Variants in IQGAP1 observed in about 807,000 individuals in gnomAD.
The protein encoded by IQGAP1 is IQ motif containing GTPase activating protein 1, also known as ras GTPase-activating-like protein IQGAP1.
A neutral mutation model predicts 215.6 loss-of-function variants in IQGAP1; 66 were observed. The ratio of observed to expected loss-of-function variants is 0.31; its 90% confidence interval spans 0.25 to 0.38. The LOEUF (loss-of-function observed/expected upper bound fraction) is 0.38, where lower values mean the gene tolerates loss of function less well. IQGAP1 is among the 10% of genes least tolerant of loss of function. IQGAP1 has a pLI of 1.00. For synonymous variants in IQGAP1, 772 were observed against 728.7 expected (o/e 1.06, Z -0.96); for missense variants, 1,712 against 1,997.1 (o/e 0.86, Z 2.72).
intron 2 of IQGAP1, among the ~76,000 whole-genome samples, chr15:90,400,411 T>A (rs1013204185): frequency 3.3e-5 from 5 of 152,226 alleles, no homozygotes; most frequent in Admixed American, 3.3e-4. Flanking sequence ...CTTTTCCGTC[T>A]CCATTCTTGT....
chr15:90,397,100 G>C (rs1307722658), intron 2 of IQGAP1, among the ~76,000 whole-genome samples: 1 of 152,040 alleles, frequency 6.6e-6, no homozygotes, highest in East Asian at 1.9e-4. Flanking sequence ...TGATCCACCC[G>C]CCTCGGCCCC....
chr15:90,438,444 G>A (rs1374401907), intron 5 of IQGAP1, among the ~76,000 whole-genome samples: 1 of 152,076 alleles, frequency 6.6e-6, no homozygotes, highest in Admixed American at 6.5e-5. Flanking sequence ...CTTTCATGAA[G>A]CTTAGAGTCT....
At chr15:90,483,688 C>T (rs558326302) in intron 29 of IQGAP1, 95 bp downstream of exon 29, 16 of 846,836 alleles carry the variant, frequency 1.9e-5, no homozygotes, top group African/African-American at 6.7e-5. Context: ...TCACTTTCCC[C>T]GGACTGCCAT....
intron 2 of IQGAP1, among the ~76,000 whole-genome samples, chr15:90,397,520 T>TC (rs1323316262): frequency 1.4e-5 from 2 of 147,184 alleles, no homozygotes; most frequent in African/African-American, 5.1e-5. Flanking sequence ...CTTTTTTTTT[T>TC]TTTTTTTTTT....
chr15:90,476,309 T>G (rs1037884259), intron 23 of IQGAP1, among the ~76,000 whole-genome samples: 18 of 152,312 alleles, frequency 1.2e-4, no homozygotes, highest in African/African-American at 4.1e-4. Context: ...TCCCCTAGTA[T>G]TTGACATTTA....
At position 90,487,051 on chromosome 15, in the gene IQGAP1, T is replaced by A; in HGVS notation, c.4122T>A (p.Asp1374Glu). Reference protein sequence around the residue: ...TLTNKFDVPGDENAEMDARTI... With the variant: ...TLTNKFDVPGEENAEMDARTI... ...CCAACAAGTTCGACGTGCCTGGAGA[T>A]GAGAATGCAGAAATGGATGCTCGAA... The change falls in exon 32 of 38, where the codon GAT becomes GAA. Residue 1374 changes from aspartate (D) to glutamate (E), a missense_variant. Transcript: ENST00000268182. 6.2e-7 allele frequency: 1 copy of A among 1,614,058 alleles called. No individual in the cohort carries two copies. The highest frequency in any genetic ancestry group is 8.5e-7 in the Non-Finnish European group (1 of 1,179,992).
chr15:90,483,106 T>C, intron 28 of IQGAP1: 1 of 403,386 alleles, frequency 2.5e-6, no homozygotes, highest in Admixed American at 4.1e-5. Context: ...CTGAATCTGC[T>C]CTTTCATTAA....
chr15:90,406,462 C>G (rs1461281670), intron 2 of IQGAP1, among the ~76,000 whole-genome samples: 3 of 152,182 alleles, frequency 2.0e-5, no homozygotes, highest in African/African-American at 7.2e-5. Flanking sequence ...CGTGCCCGGC[C>G]GGGGTTTGTT....
chr15:90,388,679 C>G (rs1377723099), intron 1 of IQGAP1, among the ~76,000 whole-genome samples: 2 of 152,062 alleles, frequency 1.3e-5, no homozygotes, highest in African/African-American at 4.8e-5. Context: ...CAGGCTCGGC[C>G]GAGATTGGGG....
intron 28 of IQGAP1, among the ~76,000 whole-genome samples, chr15:90,482,512 G>T (rs1966073349): frequency 6.6e-6 from 1 of 152,134 alleles, no homozygotes; most frequent in South Asian, 2.1e-4. Context: ...GATTTTTCCT[G>T]TTTTCAGATG....
intron 2 of IQGAP1, among the ~76,000 whole-genome samples, chr15:90,394,916 TAG>T (rs1490786990): frequency 2.0e-5 from 3 of 152,132 alleles, no homozygotes; most frequent in Non-Finnish European, 2.9e-5. Flanking sequence ...GAGGAGTGTG[TAG>T]AGAGTGAATA....
intron 36 of IQGAP1, among the ~76,000 whole-genome samples, chr15:90,495,602 A>T (rs905199339): frequency 6.7e-6 from 1 of 150,214 alleles, no homozygotes; most frequent in Admixed American, 6.6e-5. Context: ...ACTACTTTAT[A>T]TATAAATACA....
rs762003605 is a variant in IQGAP1, at chr15:90,486,002, A to G, written c.3922-28A>G. The G allele has an allele frequency of 6.0e-5, 93 of 1,555,226 alleles. 1 individual carries two copies. In the East Asian group the frequency reaches 1.4e-3, roughly 24 times the overall value. Reference sequence around the variant, plus strand: ...GGACGGGCTGAAGAGTTGAATGTATAAATGGAGTTGATCATTGGTGTTTGC... The same window carrying G: ...GGACGGGCTGAAGAGTTGAATGTATGAATGGAGTTGATCATTGGTGTTTGC... On this transcript the variant is annotated intron_variant, in intron 30 of 37. Coordinates refer to ENST00000268182, the MANE Select transcript of IQGAP1 (RefSeq NM_003870.4).
At chr15:90,403,445 A>G (rs74546528) in intron 2 of IQGAP1, among the ~76,000 whole-genome samples, 2,057 of 152,204 alleles carry the variant, frequency 0.014, 39 homozygotes, top group African/African-American at 0.047. Flanking sequence ...TTTTTTTCTT[A>G]GAAATAGGTA....
intron 15 of IQGAP1, among the ~76,000 whole-genome samples, 165 bp downstream of exon 15, chr15:90,456,480 C>T (rs760059819): frequency 6.6e-6 from 1 of 152,146 alleles, no homozygotes; most frequent in Non-Finnish European, 1.5e-5. Flanking sequence ...ATAGGCTCCA[C>T]CTACTAGGAG....
intron 23 of IQGAP1, among the ~76,000 whole-genome samples, chr15:90,475,125 A>G (rs1890832104): frequency 1.3e-5 from 2 of 150,540 alleles, no homozygotes; most frequent in Non-Finnish European, 2.9e-5. Context: ...CAGCCTCCCA[A>G]GTAGCTGGGA....
chr15:90,488,241 TAAATA>T (rs1340858415), intron 33 of IQGAP1, among the ~76,000 whole-genome samples: 1 of 148,832 alleles, frequency 6.7e-6, no homozygotes, highest in Non-Finnish European at 1.5e-5. Flanking sequence ...AATAAATAAA[TAAATA>T]AATAAATAAA....
intron 5 of IQGAP1, among the ~76,000 whole-genome samples, chr15:90,437,203 C>G (rs1223003650): frequency 6.6e-6 from 1 of 152,146 alleles, no homozygotes; most frequent in Admixed American, 6.5e-5. Context: ...TTTTAAAAAA[C>G]CAAATCTAGC....
chr15:90,465,911 T>C (rs1965824397), intron 15 of IQGAP1, 90 bp from the exon 16 acceptor site: 3 of 966,486 alleles, frequency 3.1e-6, no homozygotes, highest in Non-Finnish European at 5.0e-6. Context: ...CTTCCATATT[T>C]AATTGAGTCT....
Sources: allele counts gnomAD v4.1 joint callset (sites outside exome capture counted in the v4.1 genomes callset), GRCh38; gene constraint gnomAD v4.1.1; transcripts MANE v1.5; gene names NCBI Gene and HGNC (gene_info 2026-07-23, HGNC 2026-07-21).